CTCFL: variants seen among roughly 807,000 people sequenced by gnomAD.
CTCFL encodes the protein CCCTC-binding factor like.
Under a neutral mutation model 67.4 loss-of-function variants are expected in CTCFL, and 36 were observed. That is an observed-to-expected ratio of 0.53 (90% CI 0.41 to 0.71). The LOEUF is 0.71. CTCFL is among the 30% of genes least tolerant of loss of function. The pLI is 0.00. For synonymous variants in CTCFL, 324 were observed against 302.3 expected, an observed-to-expected ratio of 1.07 and a Z score of -0.75; for missense variants, 786 against 835.2, an observed-to-expected ratio of 0.94 and a Z score of 0.73.
At chr20:57,515,547 C>G in intron 6 of CTCFL, 167 bp downstream of exon 6, 1 of 772,466 alleles carries the variant, frequency 1.3e-6, no homozygotes, top group Non-Finnish European at 2.1e-6. Flanking sequence ...GACTCTCTTA[C>G]TGCTAAATAA....
intron 3 of CTCFL, 124 bp from the exon 4 acceptor site, chr20:57,519,501 T>C: frequency 2.5e-6 from 2 of 815,930 alleles, no homozygotes; most frequent in Non-Finnish European, 4.0e-6. Context: ...ATGCTATTTA[T>C]ATCCACAAGC....
chr20:57,504,357 G>A (rs560507602), intron 9 of CTCFL, among the ~76,000 whole-genome samples: 1 of 150,512 alleles, frequency 6.6e-6, no homozygotes, highest in East Asian at 2.0e-4. Context: ...TCAGCTCACT[G>A]CAACCTCTAC....
At chr20:57,500,614 G>T (rs984914986) in intron 10 of CTCFL, among the ~76,000 whole-genome samples, 9 of 152,050 alleles carry the variant, frequency 5.9e-5, no homozygotes, top group African/African-American at 1.9e-4. Flanking sequence ...TTTTTGCCAG[G>T]TTATTTGCCT....
chr20:57,512,734 A>G lies in CTCFL; in HGVS notation c.1349T>C (p.Leu450Ser), dbSNP rs377178593. ...CAGCTCTGCAGCGCTGTAAGCATGCAAGTTGCGCATATGCACACCTAAAAT... is the reference window on the plus strand; with the variant it reads ...CAGCTCTGCAGCGCTGTAAGCATGCGAGTTGCGCATATGCACACCTAAAAT... ...KSDLRVHMRN[L>S]HAYSAAELKC... Residue 450 changes from leucine to serine, a missense_variant, in exon 8 of 11, where the codon TTG (leucine) becomes TCG (serine). Around this residue, in one of 3 missense-constraint regions of CTCFL, gnomAD observed 254 missense variants for 333.9 expected, o/e 0.76. Coordinates refer to ENST00000243914, the MANE Select transcript of CTCFL (RefSeq NM_001386993.1). 6.2e-7 allele frequency: 1 copy of G among 1,614,228 alleles called. No homozygotes were observed. The highest frequency in any genetic ancestry group is 8.5e-7 in the Non-Finnish European group (1 of 1,180,020).
intron 5 of CTCFL, among the ~76,000 whole-genome samples, chr20:57,517,090 AT>A (rs2068980483): frequency 6.6e-6 from 1 of 152,232 alleles, no homozygotes; most frequent in South Asian, 2.1e-4. Context: ...AAGCCAAAAA[AT>A]TTCACTTAGG....
intron 5 of CTCFL, chr20:57,518,356 G>C (rs1250751837): frequency 2.6e-6 from 1 of 383,470 alleles, no homozygotes; most frequent in Non-Finnish European, 4.4e-6. Context: ...CTTCGAGCAA[G>C]CTGCTTTGTA....
chr20:57,513,994 C>G, intron 7 of CTCFL: 1 of 835,214 alleles, frequency 1.2e-6, no homozygotes, highest in South Asian at 1.6e-5. Context: ...TGTTCCAAGA[C>G]CCTCTGGATT....
intron 5 of CTCFL, among the ~76,000 whole-genome samples, chr20:57,517,438 G>C (rs1391164583): frequency 6.6e-6 from 1 of 151,972 alleles, no homozygotes; most frequent in East Asian, 1.9e-4. Flanking sequence ...CACCACACCT[G>C]GCTAATTTTT....
intron 8 of CTCFL, among the ~76,000 whole-genome samples, chr20:57,510,033 C>T (rs577177220): frequency 1.3e-5 from 2 of 152,334 alleles, no homozygotes; most frequent in African/African-American, 4.8e-5. Flanking sequence ...TAAGTATGAG[C>T]CTGAGGCCTC....
chr20:57,519,365 G>T lies in CTCFL; in HGVS notation c.767C>A (p.Thr256Asn). 1 of 1,613,818 alleles carries T rather than the reference G, an allele frequency of 6.2e-7. No individual in the cohort carries two copies. ...GAACATGCAGACATCACAGTGGAAG[G>T]TTCCTTTTGCTCCTATAGGCAGGAA... ...NQRKTKGAKG[T>N]FHCDVCMFTS... Residue 256 changes from threonine to asparagine, a missense_variant, in exon 4 of 11, where the codon ACC (threonine) becomes AAC (asparagine). Transcript: ENST00000243914.
intron 5 of CTCFL, among the ~76,000 whole-genome samples, chr20:57,518,089 T>C (rs1397191127): frequency 6.6e-6 from 1 of 152,168 alleles, no homozygotes; most frequent in South Asian, 2.1e-4. Flanking sequence ...TCCATTTGGG[T>C]GTACTGTTGA....
Position 57,523,125 on chromosome 20 carries a change from C to G in CTCFL, c.697G>C (p.Ala233Pro), listed in dbSNP as rs200602115. 1 of 1,614,028 alleles carries G rather than the reference C, an allele frequency of 6.2e-7. No individual in the cohort carries two copies. Among genetic ancestry groups the G allele is most frequent in the African/African-American group, 1.3e-5 (1 of 75,038 alleles). The change falls in exon 3 of 11, where the codon GCT becomes CCT. Residue 233 changes from alanine (A) to proline (P), a missense_variant. Ala to Pro is a conservative substitution (Grantham distance 27). Coordinates refer to ENST00000243914, the MANE Select transcript of CTCFL (RefSeq NM_001386993.1). ...GCCTTTTCAGCATCTGCTTGACCAG[C>G]TGTAGGTTGATCCTCTTGTTCTTCC... is the stretch of plus-strand genomic sequence containing the variant. ...NVEEQEDQPT[A>P]GQADAEKAKS...
At position 57,515,707 on chromosome 20, in the gene CTCFL, C is replaced by G; in HGVS notation, c.1180+7G>C. The G allele has an allele frequency of 1.2e-6, 2 of 1,614,160 alleles. No individual in the cohort carries two copies. The highest frequency in any genetic ancestry group is 1.7e-6 in the Non-Finnish European group (2 of 1,180,020). ...AGGTATCAGGCCTTCAGCACCAGAG[C>G]CCTTACCTGAGTGCGTTCTCATGTG... On this transcript the variant is annotated splice_region_variant and intron_variant, in intron 6 of 10. Transcript: ENST00000243914.
intron 7 of CTCFL, chr20:57,513,809 G>T: frequency 2.3e-6 from 3 of 1,282,590 alleles, no homozygotes; most frequent in Non-Finnish European, 3.0e-6. Flanking sequence ...ATATTTTTGT[G>T]TATCACAGTG....
chr20:57,514,813 G>GTTT, intron 6 of CTCFL, 72 bp from the exon 7 acceptor site: 4 of 1,201,344 alleles, frequency 3.3e-6, no homozygotes, highest in Non-Finnish European at 4.5e-6. Context: ...TGCTGAAAGT[G>GTTT]TTTTTTTTTT....
In CTCFL at chr20:57,523,551, C is replaced by T. The variant is rs184873390; in HGVS notation, c.543+112G>A. The T allele has an allele frequency of 1.2e-3, 1,719 of 1,410,254 alleles. 6 individuals are homozygous for T. The highest frequency in any genetic ancestry group is 1.3e-3 in the Non-Finnish European group (1,399 of 1,049,724). 87.4% of individuals were successfully genotyped at this position (1,410,254 alleles called of 1,614,324 possible). A position where few individuals can be genotyped will look rare whatever the true frequency, so the allele number is the denominator to read the frequency against. ...AAGATTTTCCTGGGAAGTATTTGTA[C>T]TGTCTTTAATTTGCAACTGCAAAAT... On this transcript the variant is annotated intron_variant, in intron 2 of 10. Coordinates refer to ENST00000243914, the MANE Select transcript of CTCFL (RefSeq NM_001386993.1).
intron 6 of CTCFL, chr20:57,515,028 C>T: frequency 7.5e-6 from 3 of 399,492 alleles, no homozygotes; most frequent in Non-Finnish European, 1.3e-5. Context: ...AAGAAGTACA[C>T]ATAAATGTAT....
chr20:57,503,467 C>G lies in CTCFL; in HGVS notation c.1809G>C (p.Ala603=). 1 of 1,614,200 alleles carries G rather than the reference C, an allele frequency of 6.2e-7. No individual in the cohort carries two copies. Among genetic ancestry groups the G allele is most frequent in the Non-Finnish European group, 8.5e-7 (1 of 1,180,022 alleles). The change falls in exon 10 of 11, where the codon GCG becomes GCC. Residue 603 remains alanine, a synonymous_variant. Transcript: ENST00000243914. The part of the protein sequence containing the change: ...KEATKGQKEA[A]KGWKEAANGD... ...CGTTCGCGGCTTCCTTCCATCCCTT[C>G]GCAGCTTCCTTCTGACCCTTTGTGG...
chr20:57,517,059 T>C (rs1244211117), intron 5 of CTCFL, among the ~76,000 whole-genome samples: 1 of 152,082 alleles, frequency 6.6e-6, no homozygotes, highest in Admixed American at 6.5e-5. Context: ...AAAAGAAAGC[T>C]TAGAATGGAA....
Sources: gnomAD v4.1 joint callset for allele counts (sites outside exome capture counted in the v4.1 genomes callset) on GRCh38, gnomAD v4.1.1 for gene constraint, gnomAD v4.1.1 regional missense constraint, MANE v1.5 for transcripts, NCBI Gene and HGNC (gene_info 2026-07-23, HGNC 2026-07-21) for gene names.